The following ATP11A variants were observed in gnomAD, a reference collection of about 807,000 sequenced individuals.
ATP11A encodes the protein phospholipid-transporting ATPase IH.
A neutral mutation model predicts 154.4 loss-of-function variants in ATP11A; 81 were observed. The ratio of observed to expected loss-of-function variants is 0.52; its 90% CI spans 0.44 to 0.63. ATP11A has a LOEUF of 0.63. ATP11A is among the 30% of genes least tolerant of loss of function. The pLI is 0.00. For missense variants in ATP11A, 1,316 were observed against 1,474.3 expected (o/e 0.89, Z 1.76); for synonymous variants, 623 against 585.9 (o/e 1.06, Z -0.91).
chr13:112,873,729 T>G, intron 27 of ATP11A, 53 bp downstream of exon 27: 1 of 1,545,210 alleles, frequency 6.5e-7, no homozygotes, highest in Non-Finnish European at 8.9e-7. Flanking sequence ...TGGTTGTTAT[T>G]TTTTTATCAA....
intron 1 of ATP11A, among the ~76,000 whole-genome samples, chr13:112,699,649 G>A (rs1690088585): frequency 6.6e-6 from 1 of 152,256 alleles, no homozygotes; most frequent in South Asian, 2.1e-4. Context: ...TACTTCTGCT[G>A]AGTTGGAAGG....
Position 112,753,463 on chromosome 13 carries a change from G to A in ATP11A, c.40-31672G>A, listed in dbSNP as rs776472325. 5.3e-5 allele frequency among the ~76,000 whole-genome samples: 8 copies of A among 152,224 alleles called. No homozygotes were observed. Among genetic ancestry groups the A allele is most frequent in the African/African-American group, 1.4e-4 (6 of 41,458 alleles). Reference sequence around the variant, plus strand: ...ACCTCGCCAGCAGCCTGCGCTGCCCGGCTTGCCAGCTTCTGGGCCTGCCTA... The same window carrying A: ...ACCTCGCCAGCAGCCTGCGCTGCCCAGCTTGCCAGCTTCTGGGCCTGCCTA... On this transcript the variant is annotated intron_variant, in intron 1 of 29. Coordinates refer to ENST00000375645, the MANE Select transcript of ATP11A (RefSeq NM_015205.3). The surrounding 1 kb of genome is among the most constrained non-coding windows in gnomAD (Gnocchi z 4.1).
At chr13:112,700,230 G>A (rs182408533) in intron 1 of ATP11A, among the ~76,000 whole-genome samples, 2 of 152,198 alleles carry the variant, frequency 1.3e-5, no homozygotes, top group African/African-American at 2.4e-5. Context: ...TGTGAAGAGC[G>A]TGCAGCCTGG....
intron 1 of ATP11A, among the ~76,000 whole-genome samples, chr13:112,713,797 A>G (rs1339539222): frequency 6.6e-6 from 1 of 152,094 alleles, no homozygotes; most frequent in Admixed American, 6.5e-5. Context: ...GTTGAGGGGA[A>G]AAAGGCCGAG....
intron 12 of ATP11A, among the ~76,000 whole-genome samples, chr13:112,831,012 C>A (rs282620): frequency 6.6e-6 from 1 of 151,874 alleles, no homozygotes; most frequent in African/African-American, 2.4e-5. Flanking sequence ...AACCCACTTA[C>A]ACTCTGTCTT....
intron 1 of ATP11A, among the ~76,000 whole-genome samples, chr13:112,703,669 A>T (rs1886837747): frequency 6.6e-6 from 1 of 152,198 alleles, no homozygotes; most frequent in African/African-American, 2.4e-5. Flanking sequence ...TCTTAGATGT[A>T]ACAGACCGCA....
At position 112,879,866 on chromosome 13, in the gene ATP11A, G is replaced by A. The variant is rs143196566; in HGVS notation, c.*9+1563G>A. 5.5e-3 allele frequency among the ~76,000 whole-genome samples: 839 copies of A among 152,334 alleles called. 5 individuals carry two copies. The highest frequency in any genetic ancestry group is 0.019 in the African/African-American group (770 of 41,562). ...AAGAAAAGCATCACAGGCCTCAGAT[G>A]TATATGTTATATATGTGCGATTTGC... On this transcript the variant is annotated intron_variant, in intron 29 of 29. Coordinates refer to ENST00000375645, the MANE Select transcript of ATP11A (RefSeq NM_015205.3).
intron 1 of ATP11A, among the ~76,000 whole-genome samples, chr13:112,735,761 T>C (rs541108454): frequency 2.8e-4 from 42 of 152,334 alleles, no homozygotes; most frequent in African/African-American, 9.9e-4. Flanking sequence ...CACCAGCCAT[T>C]GCGTGATTCA....
chr13:112,763,535 G>A (rs920973891), intron 1 of ATP11A, among the ~76,000 whole-genome samples: 1 of 152,152 alleles, frequency 6.6e-6, no homozygotes, highest in East Asian at 1.9e-4. Flanking sequence ...GGGGAAATTT[G>A]CATTCTGTAG....
intron 1 of ATP11A, among the ~76,000 whole-genome samples, chr13:112,742,590 C>A (rs138435921): frequency 6.6e-6 from 1 of 152,208 alleles, no homozygotes; most frequent in South Asian, 2.1e-4. Flanking sequence ...ATGCCACTTA[C>A]GATAATTCTG....
chr13:112,697,619 G>A lies in ATP11A; in HGVS notation c.39+7164G>A, dbSNP rs1166187743. Among the ~76,000 whole-genome samples the A allele has an allele frequency of 6.6e-6, 1 of 152,052 alleles. No individual in the cohort carries two copies. The highest frequency in any genetic ancestry group is 1.5e-5 in the Non-Finnish European group (1 of 68,020). On this transcript the variant is annotated intron_variant, in intron 1 of 29. Transcript: ENST00000375645. This position sits in a 1 kb window ranked among gnomAD's most constrained non-coding sequence, Gnocchi z 4.0. ...GTCTCACTGTGTTGCTCAGGCTGGA[G>A]TGCAGTGGCTTGATCTTGGCTCACT...
In ATP11A at chr13:112,863,030, T is replaced by C. The variant is rs1219749353; in HGVS notation, c.2991+455T>C. On this transcript the variant is annotated intron_variant, in intron 25 of 29. Transcript: ENST00000375645. ...TCCCAGCGGGGTCCATCACCACCTG[T>C]GCAGTAGTTCAGTGCGGCCCATGCA... Among the ~76,000 whole-genome samples, 594 of 77,272 alleles carry C rather than the reference T, an allele frequency of 7.7e-3. 3 individuals are homozygous for C. The highest frequency in any genetic ancestry group is 0.012 in the African/African-American group (236 of 18,974). The allele number at this position is 77,272 out of a possible 152,430, so 50.7% of individuals were successfully genotyped here. A position where few individuals can be genotyped will look rare whatever the true frequency, so the allele number is the denominator to read the frequency against.
intron 1 of ATP11A, among the ~76,000 whole-genome samples, chr13:112,704,524 G>A (rs282577): frequency 0.78 from 118,149 of 152,280 alleles, 47,897 homozygotes; most frequent in East Asian, 0.96. Flanking sequence ...CTCTGACTGC[G>A]GCGTGCGTCT....
intron 1 of ATP11A, among the ~76,000 whole-genome samples, chr13:112,769,252 G>C (rs866046271): frequency 1.3e-5 from 2 of 152,164 alleles, no homozygotes; most frequent in South Asian, 4.1e-4. Flanking sequence ...GCTCCAAACC[G>C]GGCACAGGAC....
Position 112,842,266 on chromosome 13 carries a change from C to A in ATP11A, c.1706-10C>A. On this transcript the variant is annotated splice_polypyrimidine_tract_variant and intron_variant, in intron 16 of 29. Coordinates refer to ENST00000375645, the MANE Select transcript of ATP11A (RefSeq NM_015205.3). ...TTGTGATTAAACTCCTCATTTTTCT[C>A]ATTTTGTAGGAGAAATTTATCTGTT... The A allele has an allele frequency of 6.3e-7, 1 of 1,593,958 alleles. No homozygotes were observed. The highest frequency in any genetic ancestry group is 8.6e-7 in the Non-Finnish European group (1 of 1,166,680).
chr13:112,857,249 A>C (rs2079957757), intron 20 of ATP11A, among the ~76,000 whole-genome samples: 1 of 152,252 alleles, frequency 6.6e-6, no homozygotes, highest in South Asian at 2.1e-4. Flanking sequence ...TGGGGGGGAA[A>C]AGATTATAAA....
At chr13:112,871,653 T>C in intron 25 of ATP11A, 82 bp from the exon 26 acceptor site, 1 of 1,283,246 alleles carries the variant, frequency 7.8e-7, no homozygotes. Flanking sequence ...AAAAATGAGG[T>C]GTATTTTCTA....
intron 1 of ATP11A, among the ~76,000 whole-genome samples, chr13:112,749,756 C>T (rs550096046): frequency 6.8e-6 from 1 of 147,730 alleles, no homozygotes; most frequent in African/African-American, 2.5e-5. Flanking sequence ...GAAGGAGAAT[C>T]TCCATCCTCC....
chr13:112,807,920 A>T lies in ATP11A; in HGVS notation c.333+1627A>T, dbSNP rs1239093949. Among the ~76,000 whole-genome samples, 2 of 152,138 alleles carry T rather than the reference A, an allele frequency of 1.3e-5. No homozygotes were observed. Among genetic ancestry groups the T allele is most frequent in the African/African-American group, 4.8e-5 (2 of 41,442 alleles). On this transcript the variant is annotated intron_variant, in intron 4 of 29. Transcript: ENST00000375645. This position sits in a 1 kb window ranked among gnomAD's most constrained non-coding sequence, Gnocchi z 4.5. ...CAGCCTGGCCCCAGGAGGCAGGCGT[A>T]GCACTGTTCTTCAGCGTCCTCTTCT...
Sources: allele counts gnomAD v4.1 joint callset (sites outside exome capture counted in the v4.1 genomes callset), GRCh38; gene constraint gnomAD v4.1.1; non-coding constraint Gnocchi (gnomAD v3.1); transcripts MANE v1.5; gene names NCBI Gene and HGNC (gene_info 2026-07-23, HGNC 2026-07-21).